DIS3L2: variants seen among roughly 807,000 people sequenced by gnomAD.
DIS3L2 encodes DIS3 like 3'-5' exoribonuclease 2, also known as DIS3-like exonuclease 2.
A neutral mutation model predicts 97.5 loss-of-function variants in DIS3L2; 34 were observed. That is an observed-to-expected ratio of 0.35 (90% confidence interval 0.27 to 0.46). The LOEUF (loss-of-function observed/expected upper bound fraction) is 0.46. DIS3L2 is among the 20% of genes least tolerant of loss of function. The pLI is 1.00. For missense variants in DIS3L2, 1,038 were observed against 1,146.0 expected, an observed-to-expected ratio of 0.91 and a Z score of 1.36; for synonymous variants, 435 against 445.2, an observed-to-expected ratio of 0.98 and a Z score of 0.29.
intron 1 of DIS3L2, among the ~76,000 whole-genome samples, chr2:231,998,341 G>A (rs1441719381): frequency 6.6e-6 from 1 of 152,202 alleles, no homozygotes; most frequent in Non-Finnish European, 1.5e-5. Flanking sequence ...TGTGATAATA[G>A]CATTAATTCA....
intron 6 of DIS3L2, among the ~76,000 whole-genome samples, chr2:232,113,598 G>A (rs1697608210): frequency 6.6e-6 from 1 of 152,106 alleles, no homozygotes. Context: ...TAAGATTAAG[G>A]TATTATAAAA....
chr2:232,299,301 C>T (rs1694800413), intron 13 of DIS3L2, among the ~76,000 whole-genome samples: 1 of 152,218 alleles, frequency 6.6e-6, no homozygotes, highest in Admixed American at 6.5e-5. Context: ...GCACTGTAGC[C>T]AGAGGGGTCT....
chr2:232,000,869 CTTTT>C (rs994845676), intron 1 of DIS3L2, among the ~76,000 whole-genome samples: 6 of 144,380 alleles, frequency 4.2e-5, no homozygotes, highest in African/African-American at 1.5e-4. Context: ...ACCCGGCTTC[CTTTT>C]TTTTTTGTTT....
At position 232,238,759 on chromosome 2, in the gene DIS3L2, A is replaced by G. The variant is rs16828707; in HGVS notation, c.1317+114A>G. ...CTCCGGAAAGAGAAGCCAAAGGAAG[A>G]CACAGGTGTTCATCTGAGGCCTCAT... On this transcript the variant is annotated intron_variant, in intron 11 of 20. Coordinates refer to ENST00000325385, the MANE Select transcript of DIS3L2 (RefSeq NM_152383.5). 2,416 of 939,888 alleles carry G rather than the reference A, an allele frequency of 2.6e-3. 57 individuals carry two copies. In the African/African-American group the frequency reaches 0.036, roughly 14 times the overall value. 58.2% of individuals were successfully genotyped at this position (939,888 alleles called of 1,614,324 possible). A position where few individuals can be genotyped will look rare whatever the true frequency, so the allele number is the denominator to read the frequency against.
intron 13 of DIS3L2, among the ~76,000 whole-genome samples, chr2:232,265,770 A>C (rs188361346): frequency 6.6e-6 from 1 of 152,268 alleles, no homozygotes. Flanking sequence ...AGCATTCTGT[A>C]TTCAAATTGC....
rs1054338468 is a variant in DIS3L2, at chr2:232,337,049, T to A, written c.*419T>A. ...CTTGCACCCAGGGCAAGGGACCCAGTTCAGGCTTCACCCCTCGCTGCTGAG... is the reference window on the plus strand; with the variant it reads ...CTTGCACCCAGGGCAAGGGACCCAGATCAGGCTTCACCCCTCGCTGCTGAG... On this transcript the variant is annotated 3_prime_UTR_variant, in exon 21 of 21. Transcript: ENST00000325385. 9.4e-7 allele frequency: 1 copy of A among 1,058,368 alleles called. No individual in the cohort carries two copies. Among genetic ancestry groups the A allele is most frequent in the African/African-American group, 1.7e-5 (1 of 57,764 alleles). 65.6% of individuals were successfully genotyped at this position (1,058,368 alleles called of 1,614,324 possible). A position where few individuals can be genotyped will look rare whatever the true frequency, so the allele number is the denominator to read the frequency against.
At chr2:232,244,240 G>GGA (rs1309114062) in intron 11 of DIS3L2, among the ~76,000 whole-genome samples, 1 of 152,148 alleles carries the variant, frequency 6.6e-6, no homozygotes, top group Non-Finnish European at 1.5e-5. Context: ...GATGTAGAAG[G>GGA]GAGAGAGAGG....
At chr2:232,265,896 C>T (rs1223423234) in intron 13 of DIS3L2, among the ~76,000 whole-genome samples, 4 of 152,142 alleles carry the variant, frequency 2.6e-5, no homozygotes, top group African/African-American at 9.7e-5. Context: ...GTTAGCATTC[C>T]CTTTTTGAAA....
At chr2:232,157,810 G>A (rs1215463898) in intron 8 of DIS3L2, among the ~76,000 whole-genome samples, 2 of 152,140 alleles carry the variant, frequency 1.3e-5, no homozygotes, top group African/African-American at 4.8e-5. Flanking sequence ...TGAATGTTGT[G>A]GAGTGCATTT....
At position 232,136,644 on chromosome 2, in the gene DIS3L2, G is replaced by A. The variant is rs768117442; in HGVS notation, c.875G>A (p.Arg292Gln). 8.1e-6 allele frequency: 13 copies of A among 1,613,644 alleles called. No homozygotes were observed. The highest frequency in any genetic ancestry group is 2.2e-5 in the East Asian group (1 of 44,870). ...GACTGTCCCCAGGACTTTGTGGCAC[G>A]GCCTAAAGATTATGCCAACACACTG... ...LKDCPQDFVA[R>Q]PKDYANTLFI... Residue 292 changes from arginine (R) to glutamine (Q), a missense_variant, in exon 8 of 21, where the codon CGG (arginine) becomes CAG (glutamine). Arg to Gln is a conservative substitution (Grantham distance 43). Around this residue, in one of 3 missense-constraint regions of DIS3L2, gnomAD observed 813 missense variants for 880.1 expected, o/e 0.92. Coordinates refer to ENST00000325385, the MANE Select transcript of DIS3L2 (RefSeq NM_152383.5).
chr2:231,992,629 C>T (rs1019839422), intron 1 of DIS3L2, among the ~76,000 whole-genome samples: 9 of 152,038 alleles, frequency 5.9e-5, no homozygotes, highest in African/African-American at 1.9e-4. Context: ...CCCATTGCTT[C>T]CCCCTTGCAC....
chr2:232,249,325 G>T lies in DIS3L2; in HGVS notation c.1404G>T (p.Trp468Cys). 6.2e-7 allele frequency: 1 copy of T among 1,614,184 alleles called. No individual in the cohort carries two copies. The highest frequency in any genetic ancestry group is 8.5e-7 in the Non-Finnish European group (1 of 1,180,034). Residue 468 changes from tryptophan (W) to cysteine (C), a missense_variant, in exon 12 of 21, where the codon TGG becomes TGT. By Grantham distance (215) the Trp-to-Cys change is radical. This residue lies in a region of DIS3L2 where 813 missense variants were observed against 880.1 expected (regional missense o/e 0.92). Transcript: ENST00000325385. ...ACAAGCTGACCTTCTCTGTGATCTG[G>T]ACACTGACTCCAGAGGGCAAGGTAA... The part of the protein sequence containing the change: ...MSDKLTFSVI[W>C]TLTPEGKILD...
intron 6 of DIS3L2, among the ~76,000 whole-genome samples, chr2:232,123,710 A>G (rs955939673): frequency 7.2e-5 from 11 of 152,230 alleles, no homozygotes; most frequent in Non-Finnish European, 1.5e-4. Context: ...ATCTCAAAGC[A>G]TTAAAGAACT....
intron 5 of DIS3L2, among the ~76,000 whole-genome samples, chr2:232,054,259 G>T (rs74625962): frequency 0.015 from 2,230 of 152,232 alleles, 42 homozygotes; most frequent in Admixed American, 0.053. Flanking sequence ...CCAGATAAGA[G>T]AACATATCAT....
At chr2:232,261,491 T>C (rs1693710375) in intron 12 of DIS3L2, among the ~76,000 whole-genome samples, 1 of 152,158 alleles carries the variant, frequency 6.6e-6, no homozygotes. Context: ...TTTCATGTCA[T>C]GTCACACACA....
intron 13 of DIS3L2, among the ~76,000 whole-genome samples, chr2:232,270,870 CT>C (rs1574984638): frequency 6.6e-4 from 50 of 75,480 alleles, no homozygotes; most frequent in Admixed American, 3.9e-3. Context: ...GTCTCTCTCT[CT>C]CTCTCTCTCT....
chr2:232,218,488 C>A (rs1352080517), intron 10 of DIS3L2, among the ~76,000 whole-genome samples: 1 of 152,110 alleles, frequency 6.6e-6, no homozygotes, highest in African/African-American at 2.4e-5. Flanking sequence ...TGGCTCACAC[C>A]TGTAATCTTA....
At chr2:232,036,528 G>C (rs923552484) in intron 5 of DIS3L2, among the ~76,000 whole-genome samples, 3 of 152,116 alleles carry the variant, frequency 2.0e-5, no homozygotes, top group African/African-American at 7.2e-5. Flanking sequence ...CTGCCAGTTC[G>C]TCAAACTCAT....
chr2:232,327,770 A>AC (rs1695617896), intron 14 of DIS3L2, among the ~76,000 whole-genome samples: 1 of 151,998 alleles, frequency 6.6e-6, no homozygotes, highest in Non-Finnish European at 1.5e-5. Context: ...TATTGAGGAG[A>AC]CCCCCAGCTG....
Sources: gnomAD v4.1 joint callset for allele counts (sites outside exome capture counted in the v4.1 genomes callset) on GRCh38, gnomAD v4.1.1 for gene constraint, gnomAD v4.1.1 regional missense constraint, MANE v1.5 for transcripts, NCBI Gene and HGNC (gene_info 2026-07-23, HGNC 2026-07-21) for gene names.